Variants in MAF observed in about 807,000 individuals in gnomAD.
The protein encoded by MAF is MAF bZIP transcription factor, also known as transcription factor Maf.
In MAF, 10 loss-of-function variants were observed where a neutral mutation model predicts 22.0. The ratio of observed to expected loss-of-function variants is 0.45; its 90% CI spans 0.28 to 0.77. MAF has a LOEUF of 0.77. Among genes scored for constraint, MAF ranks in the 30% least tolerant of loss-of-function variants. MAF has a pLI of 0.12. For synonymous variants in MAF, 337 were observed against 255.8 expected (o/e 1.32, Z -3.03); for missense variants, 544 against 548.4 (o/e 0.99, Z 0.08).
chr16:79,365,771 G>C, the MAF span, among the ~76,000 whole-genome samples: 1 of 152,184 alleles, frequency 6.6e-6, no homozygotes, highest in East Asian at 1.9e-4. Context: ...ATGGGGTGAA[G>C]TTTCCTAGAA....
chr16:79,362,991 G>C, the MAF span, among the ~76,000 whole-genome samples: 1 of 151,972 alleles, frequency 6.6e-6, no homozygotes, highest in Admixed American at 6.6e-5. Context: ...CTTGCATAAG[G>C]GACTATATTT....
the MAF span, among the ~76,000 whole-genome samples, chr16:79,400,125 G>T: frequency 6.6e-6 from 1 of 152,102 alleles, no homozygotes; most frequent in Non-Finnish European, 1.5e-5. Context: ...AGTTGCTATT[G>T]ACATCTAGTG....
the MAF span, among the ~76,000 whole-genome samples, chr16:79,438,602 T>C: frequency 6.6e-6 from 1 of 152,096 alleles, no homozygotes; most frequent in Non-Finnish European, 1.5e-5. Flanking sequence ...GTTTCCTCCA[T>C]TTCACAGAGG....
chr16:79,455,137 C>T, the MAF span, among the ~76,000 whole-genome samples: 1 of 149,430 alleles, frequency 6.7e-6, no homozygotes, highest in Non-Finnish European at 1.5e-5. Context: ...ACCCTTTGTC[C>T]ATTTCCCATG....
chr16:79,598,380 G>A, intron 1 of MAF: 1 of 1,165,132 alleles, frequency 8.6e-7, no homozygotes. Flanking sequence ...CTTCAAAGGT[G>A]ATCAACGTTT....
At chr16:79,252,978 G>C in the MAF span, among the ~76,000 whole-genome samples, 3 of 152,166 alleles carry the variant, frequency 2.0e-5, no homozygotes, top group Non-Finnish European at 4.4e-5. Flanking sequence ...CTAAAACAAA[G>C]TCTGTTTAAA....
At chr16:79,545,615 C>A in the MAF span, among the ~76,000 whole-genome samples, 78 of 152,216 alleles carry the variant, frequency 5.1e-4, no homozygotes, top group African/African-American at 1.7e-3. Flanking sequence ...CCCACCCCCC[C>A]ACAGAGGCAT....
At chr16:79,347,937 A>G in the MAF span, among the ~76,000 whole-genome samples, 2 of 152,230 alleles carry the variant, frequency 1.3e-5, no homozygotes, top group African/African-American at 2.4e-5. Context: ...GCGTGCATCT[A>G]TATGTATACA....
the MAF span, among the ~76,000 whole-genome samples, chr16:79,401,218 C>A: frequency 6.6e-6 from 1 of 152,332 alleles, no homozygotes; most frequent in East Asian, 1.9e-4. Context: ...AAGCTAAGTG[C>A]ATTTCTTGAT....
chr16:79,223,393 G>A, the MAF span, among the ~76,000 whole-genome samples: 2 of 152,238 alleles, frequency 1.3e-5, no homozygotes, highest in South Asian at 4.2e-4. Flanking sequence ...AGCACTAAAT[G>A]CCCACAAGAG....
chr16:79,584,021 A>T (rs1912689853), downstream of MAF, among the ~76,000 whole-genome samples: 1 of 152,184 alleles, frequency 6.6e-6, no homozygotes, highest in East Asian at 1.9e-4. Flanking sequence ...CTACTGAAAT[A>T]GAGATTTTAA....
chr16:79,228,480 G>A, the MAF span, among the ~76,000 whole-genome samples: 2 of 151,966 alleles, frequency 1.3e-5, no homozygotes, highest in Non-Finnish European at 2.9e-5. Flanking sequence ...AATTCTCAAA[G>A]CTTTGGATAG....
At chr16:79,373,813 C>T in the MAF span, among the ~76,000 whole-genome samples, 30 of 152,280 alleles carry the variant, frequency 2.0e-4, no homozygotes, top group Non-Finnish European at 3.7e-4. Flanking sequence ...GTCCCTTGAC[C>T]TTGGACTTCT....
At chr16:79,207,970 G>A in the MAF span, among the ~76,000 whole-genome samples, 12 of 152,234 alleles carry the variant, frequency 7.9e-5, no homozygotes, top group African/African-American at 2.9e-4. Context: ...TTGGAAGGAT[G>A]GATAATTTAG....
the MAF span, among the ~76,000 whole-genome samples, chr16:79,464,620 C>T: frequency 6.6e-6 from 1 of 152,182 alleles, no homozygotes; most frequent in East Asian, 1.9e-4. Context: ...GGAAATTCTG[C>T]TCAAAATAAA....
the MAF span, among the ~76,000 whole-genome samples, chr16:79,243,608 G>A: frequency 6.6e-6 from 1 of 151,898 alleles, no homozygotes; most frequent in African/African-American, 2.4e-5. Context: ...TAGGACCAGA[G>A]GGATTCAAAG....
At chr16:79,541,734 G>A in the MAF span, among the ~76,000 whole-genome samples, 1 of 142,170 alleles carries the variant, frequency 7.0e-6, no homozygotes, top group Admixed American at 7.6e-5. Flanking sequence ...TTAGCTCACT[G>A]CAACCTCCAC....
the MAF span, among the ~76,000 whole-genome samples, chr16:79,294,350 C>T: frequency 4.6e-5 from 7 of 152,142 alleles, no homozygotes; most frequent in African/African-American, 1.7e-4. Context: ...CTATAAAAGA[C>T]TGTTTCTTTG....
downstream of MAF, among the ~76,000 whole-genome samples, chr16:79,585,551 G>A (rs1433059840): frequency 3.3e-5 from 5 of 151,524 alleles, no homozygotes; most frequent in East Asian, 2.0e-4. Context: ...GTAGACTCAC[G>A]TTGGATAAAG....
Sources: allele counts gnomAD v4.1 joint callset (sites outside exome capture counted in the v4.1 genomes callset), GRCh38; gene constraint gnomAD v4.1.1; transcripts MANE v1.5; gene names NCBI Gene and HGNC (gene_info 2026-07-23, HGNC 2026-07-21).